UBE2E2: variants seen among roughly 807,000 people sequenced by gnomAD.
The protein encoded by UBE2E2 is ubiquitin-conjugating enzyme E2 E2.
UBE2E2 carries 6 observed loss-of-function variants against 24.7 expected under a neutral mutation model. The ratio of observed to expected loss-of-function variants is 0.24; its 90% CI spans 0.13 to 0.48. The LOEUF is 0.48. Ranked by LOEUF, UBE2E2 falls within the 20% of genes least tolerant of loss-of-function variation. The pLI is 0.99. For missense variants in UBE2E2, 169 were observed against 245.0 expected (o/e 0.69, Z 2.07); for synonymous variants, 104 against 83.6 (o/e 1.24, Z -1.33).
intron 3 of UBE2E2, among the ~76,000 whole-genome samples, chr3:23,324,056 C>G (rs755069364): frequency 2.6e-4 from 39 of 152,208 alleles, no homozygotes; most frequent in Middle Eastern, 3.4e-3. Context: ...ATTGTGTACT[C>G]CCTGTTTCTG....
intron 1 of UBE2E2, among the ~76,000 whole-genome samples, chr3:23,205,649 G>C (rs1046679195): frequency 3.9e-5 from 6 of 152,170 alleles, no homozygotes; most frequent in African/African-American, 4.8e-5. Context: ...AATGGCCTCA[G>C]ATGGACTTAT....
intron 3 of UBE2E2, among the ~76,000 whole-genome samples, chr3:23,304,657 T>A (rs1156753453): frequency 1.3e-5 from 2 of 152,158 alleles, no homozygotes; most frequent in Non-Finnish European, 2.9e-5. Context: ...TTTTAATAGC[T>A]TTTTCAGATA....
chr3:23,519,054 C>G (rs952768109), intron 4 of UBE2E2, among the ~76,000 whole-genome samples: 1 of 152,126 alleles, frequency 6.6e-6, no homozygotes, highest in Non-Finnish European at 1.5e-5. Context: ...AAGACCAGCT[C>G]CTCAGTTTGT....
At chr3:23,255,134 T>G (rs1697683324) in intron 3 of UBE2E2, among the ~76,000 whole-genome samples, 1 of 142,228 alleles carries the variant, frequency 7.0e-6, no homozygotes, top group Non-Finnish European at 1.5e-5. Flanking sequence ...TTGCCCAGGC[T>G]GGAGTGCAGT....
intron 5 of UBE2E2, among the ~76,000 whole-genome samples, chr3:23,549,214 C>A (rs1196521946): frequency 6.6e-6 from 1 of 152,202 alleles, no homozygotes; most frequent in Non-Finnish European, 1.5e-5. Flanking sequence ...TAATGGATGG[C>A]AAGGTTTTAA....
At position 23,591,655 on chromosome 3, in the gene UBE2E2, G is replaced by A. The variant is rs796645266; in HGVS notation, c.*1824G>A. 3 of 152,296 alleles carry A rather than the reference G, an allele frequency of 2.0e-5. No homozygotes were observed. Among genetic ancestry groups the A allele is most frequent in the African/African-American group, 7.2e-5 (3 of 41,544 alleles). 9.4% of individuals were successfully genotyped at this position (152,296 alleles called of 1,614,324 possible). ...CAGTGAAACTTTATTTACCACCATA[G>A]GCATGGGATTTGGCCCATGGGTTGT... On this transcript the variant is annotated 3_prime_UTR_variant, in exon 6 of 6. Transcript: ENST00000396703.
intron 3 of UBE2E2, among the ~76,000 whole-genome samples, chr3:23,403,386 G>A (rs1004301169): frequency 6.6e-6 from 1 of 152,144 alleles, no homozygotes; most frequent in East Asian, 1.9e-4. Flanking sequence ...AATTGCCTAC[G>A]TCAAACGATA....
intron 3 of UBE2E2, among the ~76,000 whole-genome samples, chr3:23,332,070 A>T (rs1695072853): frequency 6.6e-6 from 1 of 152,218 alleles, no homozygotes; most frequent in African/African-American, 2.4e-5. Flanking sequence ...AAGTATGTAA[A>T]GGAATATTGT....
intron 3 of UBE2E2, among the ~76,000 whole-genome samples, chr3:23,357,064 A>G (rs1218781241): frequency 6.6e-6 from 1 of 152,176 alleles, no homozygotes; most frequent in Admixed American, 6.5e-5. Flanking sequence ...AAAGTCTCAC[A>G]CTGGCAATTA....
At chr3:23,271,796 A>G (rs1698250151) in intron 3 of UBE2E2, among the ~76,000 whole-genome samples, 1 of 152,158 alleles carries the variant, frequency 6.6e-6, no homozygotes. Context: ...TCCTTTAGCT[A>G]GACATAAAGG....
intron 3 of UBE2E2, among the ~76,000 whole-genome samples, chr3:23,372,054 G>A (rs1385717797): frequency 6.6e-6 from 1 of 152,098 alleles, no homozygotes; most frequent in African/African-American, 2.4e-5. Context: ...GGAAATGGAG[G>A]TTGCAGTGAG....
At chr3:23,259,772 A>AT (rs1417307264) in intron 3 of UBE2E2, among the ~76,000 whole-genome samples, 1 of 152,228 alleles carries the variant, frequency 6.6e-6, no homozygotes, top group Non-Finnish European at 1.5e-5. Flanking sequence ...TCAGTGTAAG[A>AT]TTTTAAGGTA....
At chr3:23,532,808 C>G in intron 5 of UBE2E2, 107 bp downstream of exon 5, 2 of 1,041,246 alleles carry the variant, frequency 1.9e-6, no homozygotes, top group Non-Finnish European at 2.6e-6. Context: ...ACTGCTTCTA[C>G]TACTATTATT....
chr3:23,566,856 C>T (rs184221212), intron 5 of UBE2E2, among the ~76,000 whole-genome samples: 7 of 152,194 alleles, frequency 4.6e-5, no homozygotes, highest in African/African-American at 1.4e-4. Context: ...TTTGGTGGCC[C>T]AGTTAAGAGA....
At chr3:23,236,882 A>G (rs1697127513) in intron 3 of UBE2E2, among the ~76,000 whole-genome samples, 1 of 152,182 alleles carries the variant, frequency 6.6e-6, no homozygotes, top group African/African-American at 2.4e-5. Flanking sequence ...CTTCTCCTAC[A>G]CATGTGCACC....
chr3:23,353,921 A>G (rs1317323428), intron 3 of UBE2E2, among the ~76,000 whole-genome samples: 4 of 152,204 alleles, frequency 2.6e-5, no homozygotes, highest in African/African-American at 9.7e-5. Flanking sequence ...AAGAGCCTGC[A>G]TCGCCAAGTC....
chr3:23,513,017 C>T (rs1346273490), intron 4 of UBE2E2, among the ~76,000 whole-genome samples: 1 of 152,062 alleles, frequency 6.6e-6, no homozygotes, highest in Non-Finnish European at 1.5e-5. Flanking sequence ...TATGTTTCCC[C>T]CATACTTGGC....
intron 4 of UBE2E2, among the ~76,000 whole-genome samples, chr3:23,520,435 G>A (rs1162496025): frequency 2.0e-5 from 3 of 152,002 alleles, no homozygotes; most frequent in South Asian, 2.1e-4. Context: ...TTAACTTTAT[G>A]GTAAGAACAT....
At chr3:23,408,365 G>T (rs775091455) in intron 3 of UBE2E2, among the ~76,000 whole-genome samples, 112 of 151,990 alleles carry the variant, frequency 7.4e-4, no homozygotes, top group Non-Finnish European at 1.5e-3. Context: ...TTTAAAATTT[G>T]ATATAATTTA....
Sources: gnomAD v4.1 joint callset for allele counts (sites outside exome capture counted in the v4.1 genomes callset) on GRCh38, gnomAD v4.1.1 for gene constraint, MANE v1.5 for transcripts, NCBI Gene and HGNC (gene_info 2026-07-23, HGNC 2026-07-21) for gene names.